Variants in PDE4D observed in about 807,000 individuals in gnomAD.
PDE4D encodes the protein phosphodiesterase 4D, also known as 3',5'-cyclic-AMP phosphodiesterase 4D.
Under a neutral mutation model 87.4 loss-of-function variants are expected in PDE4D, and 24 were observed. That is an observed-to-expected ratio of 0.27 (90% CI 0.20 to 0.39). The LOEUF is 0.39. PDE4D is among the 10% of genes least tolerant of loss of function. The pLI, the probability that PDE4D is intolerant of heterozygous loss-of-function variation, is 1.00. For synonymous variants in PDE4D, 384 were observed against 383.2 expected, an observed-to-expected ratio of 1.00 and a Z score of -0.02; for missense variants, 714 against 1,041.0, an observed-to-expected ratio of 0.69 and a Z score of 4.32.
At chr5:60,220,166 G>A (rs986792807) in intron 1 of PDE4D, among the ~76,000 whole-genome samples, 2 of 152,134 alleles carry the variant, frequency 1.3e-5, no homozygotes, top group Non-Finnish European at 2.9e-5. Context: ...GGGGCGGTTT[G>A]CTTGCAGCCT....
chr5:59,199,936 A>G (rs911536482), intron 2 of PDE4D, among the ~76,000 whole-genome samples: 3 of 151,870 alleles, frequency 2.0e-5, no homozygotes, highest in Non-Finnish European at 4.4e-5. Flanking sequence ...AGGCACATAT[A>G]TACATATATA....
At chr5:59,503,718 AT>A (rs1328485339) in intron 1 of PDE4D, among the ~76,000 whole-genome samples, 3 of 152,106 alleles carry the variant, frequency 2.0e-5, no homozygotes, top group African/African-American at 7.2e-5. Flanking sequence ...TGGGACAGTA[AT>A]GTGGCCCCAG....
At chr5:59,460,248 A>G (rs1041833491) in intron 1 of PDE4D, among the ~76,000 whole-genome samples, 4 of 152,250 alleles carry the variant, frequency 2.6e-5, no homozygotes, top group African/African-American at 9.6e-5. Flanking sequence ...TTAAAACTTT[A>G]CTGTGAAAGT....
At chr5:60,506,632 G>A (rs1287334504) in intron 1 of PDE4D, among the ~76,000 whole-genome samples, 1 of 152,094 alleles carries the variant, frequency 6.6e-6, no homozygotes, top group Non-Finnish European at 1.5e-5. Context: ...AAAAGGAATG[G>A]AAAGCAAGAG....
At chr5:59,570,327 C>T (rs994682265) in intron 1 of PDE4D, among the ~76,000 whole-genome samples, 4 of 152,108 alleles carry the variant, frequency 2.6e-5, no homozygotes, top group Non-Finnish European at 4.4e-5. Flanking sequence ...CATGCATTCC[C>T]ATGAGAAATA....
intron 1 of PDE4D, among the ~76,000 whole-genome samples, chr5:59,255,080 A>G (rs1490442447): frequency 6.6e-6 from 1 of 152,156 alleles, no homozygotes; most frequent in Non-Finnish European, 1.5e-5. Context: ...GAAGAAAGGA[A>G]AATATATGCA....
intron 1 of PDE4D, among the ~76,000 whole-genome samples, chr5:59,652,664 C>T (rs41466348): frequency 0.013 from 1,994 of 152,240 alleles, 53 homozygotes; most frequent in African/African-American, 0.045. Flanking sequence ...GATCTCAAGA[C>T]TTTATTGTTT....
At chr5:59,422,331 T>C (rs1361804026) in intron 1 of PDE4D, among the ~76,000 whole-genome samples, 2 of 152,154 alleles carry the variant, frequency 1.3e-5, no homozygotes, top group African/African-American at 2.4e-5. Context: ...ACTATTTTCC[T>C]TCCTAGAGCA....
chr5:59,307,986 A>C (rs1771754245), intron 1 of PDE4D, among the ~76,000 whole-genome samples: 1 of 152,186 alleles, frequency 6.6e-6, no homozygotes, highest in South Asian at 2.1e-4. Flanking sequence ...GATAGACTGG[A>C]TTAAGAAAAT....
chr5:59,953,862 T>C (rs1758551583), intron 3 of PDE4D, among the ~76,000 whole-genome samples: 2 of 152,214 alleles, frequency 1.3e-5, no homozygotes, highest in Non-Finnish European at 2.9e-5. Flanking sequence ...TCTACAGTCA[T>C]ATTAAATGTT....
intron 1 of PDE4D, among the ~76,000 whole-genome samples, chr5:59,481,252 A>T (rs1439404137): frequency 2.6e-5 from 4 of 151,994 alleles, no homozygotes; most frequent in Non-Finnish European, 5.9e-5. Flanking sequence ...CTAACTCTTT[A>T]TTGGATTTTA....
chr5:60,098,109 T>G (rs974258888), intron 2 of PDE4D, among the ~76,000 whole-genome samples: 6 of 151,970 alleles, frequency 3.9e-5, no homozygotes, highest in African/African-American at 1.4e-4. Context: ...GATTTAAGAT[T>G]GACTTCCACT....
At chr5:60,047,913 G>A (rs1187269559) in intron 2 of PDE4D, among the ~76,000 whole-genome samples, 3 of 152,060 alleles carry the variant, frequency 2.0e-5, no homozygotes, top group Admixed American at 6.6e-5. Context: ...CAATTCCAGG[G>A]TATCCTTGTT....
At chr5:59,441,934 G>C (rs982214015) in intron 1 of PDE4D, among the ~76,000 whole-genome samples, 17 of 152,140 alleles carry the variant, frequency 1.1e-4, no homozygotes, top group African/African-American at 4.1e-4. Context: ...TATCTATGTT[G>C]TTCAACTAGG....
chr5:59,967,513 C>G (rs1361795586), intron 3 of PDE4D, among the ~76,000 whole-genome samples: 1 of 152,158 alleles, frequency 6.6e-6, no homozygotes, highest in Non-Finnish European at 1.5e-5. Context: ...GCTTACGTCA[C>G]TAATCATCAG....
intron 1 of PDE4D, among the ~76,000 whole-genome samples, chr5:59,804,622 A>T (rs1767536320): frequency 6.6e-6 from 1 of 152,190 alleles, no homozygotes; most frequent in African/African-American, 2.4e-5. Context: ...ACTCCATTCC[A>T]CACTTGGATA....
At chr5:60,260,874 C>A (rs1430399912) in intron 1 of PDE4D, among the ~76,000 whole-genome samples, 1 of 152,036 alleles carries the variant, frequency 6.6e-6, no homozygotes, top group African/African-American at 2.4e-5. Flanking sequence ...TAAGAATAGT[C>A]TTGCCAAAAG....
At chr5:59,124,336 G>C (rs973397571) in intron 5 of PDE4D, among the ~76,000 whole-genome samples, 9 of 152,178 alleles carry the variant, frequency 5.9e-5, no homozygotes, top group African/African-American at 2.2e-4. Flanking sequence ...CCAGGAGCTA[G>C]TCCTAAACTG....
At chr5:60,035,160 G>A (rs1767652437) in intron 2 of PDE4D, among the ~76,000 whole-genome samples, 1 of 152,054 alleles carries the variant, frequency 6.6e-6, no homozygotes. Flanking sequence ...GGAGGCTGAG[G>A]CAGGAGAATT....
Sources: allele counts gnomAD v4.1 joint callset (sites outside exome capture counted in the v4.1 genomes callset), GRCh38; gene constraint gnomAD v4.1.1; transcripts MANE v1.5; gene names NCBI Gene and HGNC (gene_info 2026-07-23, HGNC 2026-07-21).